Variants in PTPRT observed in about 807,000 individuals in gnomAD.
PTPRT encodes receptor-type tyrosine-protein phosphatase T.
A neutral mutation model predicts 176.8 loss-of-function variants in PTPRT; 56 were observed. That is an observed-to-expected ratio of 0.32 (90% CI 0.26 to 0.40). The LOEUF is 0.40. Ranked by LOEUF, PTPRT falls within the 10% of genes least tolerant of loss-of-function variation. PTPRT has a pLI of 1.00. For synonymous variants in PTPRT, 783 were observed against 739.0 expected, an observed-to-expected ratio of 1.06 and a Z score of -0.96; for missense variants, 1,540 against 1,908.2, an observed-to-expected ratio of 0.81 and a Z score of 3.60.
intron 6 of PTPRT, among the ~76,000 whole-genome samples, chr20:42,751,270 T>C (rs1160158758): frequency 6.6e-6 from 1 of 151,090 alleles, no homozygotes; most frequent in East Asian, 1.9e-4. Flanking sequence ...AACTGTGGAG[T>C]GGTTAGGGTT....
At chr20:42,097,040 G>A (rs1174741439) in intron 27 of PTPRT, among the ~76,000 whole-genome samples, 1 of 152,206 alleles carries the variant, frequency 6.6e-6, no homozygotes, top group East Asian at 1.9e-4. Flanking sequence ...AAATGAGACA[G>A]CAGTGTGGGT....
At chr20:42,667,132 A>G (rs921506255) in intron 7 of PTPRT, among the ~76,000 whole-genome samples, 2 of 152,070 alleles carry the variant, frequency 1.3e-5, no homozygotes, top group African/African-American at 4.8e-5. Flanking sequence ...AATATTCAAC[A>G]TTTTTCATCA....
intron 7 of PTPRT, among the ~76,000 whole-genome samples, chr20:42,488,847 C>T (rs978920031): frequency 2.0e-5 from 3 of 151,444 alleles, no homozygotes; most frequent in African/African-American, 7.3e-5. Context: ...GCCTGTAATC[C>T]CAGCTACTCT....
At chr20:42,936,838 C>T (rs747466925) in intron 1 of PTPRT, among the ~76,000 whole-genome samples, 1 of 152,142 alleles carries the variant, frequency 6.6e-6, no homozygotes, top group Non-Finnish European at 1.5e-5. Flanking sequence ...ACTGGGAGAA[C>T]AGAATTGAAG....
At chr20:42,923,589 G>A (rs1395679904) in intron 1 of PTPRT, among the ~76,000 whole-genome samples, 3 of 152,280 alleles carry the variant, frequency 2.0e-5, no homozygotes, top group South Asian at 2.1e-4. Flanking sequence ...ATAGCCCCAG[G>A]AGACAAGTTC....
intron 2 of PTPRT, among the ~76,000 whole-genome samples, chr20:42,864,441 C>G (rs1377816927): frequency 1.3e-5 from 2 of 152,130 alleles, no homozygotes; most frequent in African/African-American, 4.8e-5. Context: ...AGTCCCAGCT[C>G]TGAGACAGGA....
At chr20:42,661,594 A>G (rs1254421717) in intron 7 of PTPRT, among the ~76,000 whole-genome samples, 1 of 152,106 alleles carries the variant, frequency 6.6e-6, no homozygotes, top group Non-Finnish European at 1.5e-5. Flanking sequence ...TTGGCTGGAA[A>G]AGTTACAAGC....
At chr20:42,058,503 C>T in the PTPRT span, among the ~76,000 whole-genome samples, 8 of 152,282 alleles carry the variant, frequency 5.3e-5, no homozygotes, top group East Asian at 1.2e-3. Flanking sequence ...AGCCCCTCAC[C>T]GGCTCACAAA....
intron 16 of PTPRT, among the ~76,000 whole-genome samples, chr20:42,184,518 C>CTTCTTCTTCTTCCTCTTCCTCTTCTT (rs1555797923): frequency 1.8e-5 from 1 of 54,398 alleles, no homozygotes; most frequent in Non-Finnish European, 4.6e-5. Context: ...TCCTCCTCCT[C>CTTCTTCTTCTTCCTCTTCCTCTTCTT]CTTCTTCTTC....
intron 9 of PTPRT, among the ~76,000 whole-genome samples, chr20:42,397,811 T>C (rs2145692770): frequency 6.6e-6 from 1 of 152,282 alleles, no homozygotes; most frequent in South Asian, 2.1e-4. Context: ...TACCCAGTAG[T>C]GGGATTGCTG....
chr20:42,091,837 C>A (rs1303408073), intron 27 of PTPRT, among the ~76,000 whole-genome samples: 1 of 152,042 alleles, frequency 6.6e-6, no homozygotes, highest in Non-Finnish European at 1.5e-5. Flanking sequence ...ACACATCTCT[C>A]CTCATTGTAT....
chr20:42,780,236 C>T lies in PTPRT; in HGVS notation c.550G>A (p.Val184Ile). 1 of 1,613,892 alleles carries T rather than the reference C, an allele frequency of 6.2e-7. No individual in the cohort carries two copies. Among genetic ancestry groups the T allele is most frequent in the South Asian group, 1.1e-5 (1 of 91,068 alleles). ...PGYIAVDEVRVLAHPCRKAPH... is the reference protein window; with the variant it reads ...PGYIAVDEVRILAHPCRKAPH... The stretch of plus-strand genomic sequence containing the variant: ...GACTTACTGCATGGATGAGCAAGGA[C>T]CCGGACCTCGTCCACGGCGATGTAG... Residue 184 changes from valine to isoleucine, a missense_variant, in exon 4 of 31, where the codon GTC becomes ATC. This residue lies in a region of PTPRT where 273 missense variants were observed against 432.1 expected (regional missense o/e 0.63). Coordinates refer to ENST00000373187, the MANE Select transcript of PTPRT (RefSeq NM_007050.6).
At chr20:42,973,433 T>C (rs910121650) in intron 1 of PTPRT, among the ~76,000 whole-genome samples, 3 of 151,654 alleles carry the variant, frequency 2.0e-5, no homozygotes, top group African/African-American at 7.3e-5. Context: ...CTTTATCCCA[T>C]CCTCTCTCTC....
chr20:42,734,380 T>C (rs1161634720), intron 6 of PTPRT, among the ~76,000 whole-genome samples: 1 of 152,172 alleles, frequency 6.6e-6, no homozygotes, highest in African/African-American at 2.4e-5. Flanking sequence ...AGAGTCCCTC[T>C]AGCCCTGAGA....
chr20:42,352,246 C>T lies in PTPRT; in HGVS notation c.1600G>A (p.Asp534Asn), dbSNP rs369764829. ...ACTTTCCCCCTCTGGCTCGAGAGGT[C>T]AGCACTTGGGTCCAGCGAGCCGACA... is the stretch of plus-strand genomic sequence containing the variant. ...KAVGSLDPSA[D>N]LSSQRGKVFK... The change falls in exon 10 of 31, where the codon GAC becomes AAC. Residue 534 changes from aspartate to asparagine, a missense_variant. By Grantham distance (23) the Asp-to-Asn change is conservative. Transcript: ENST00000373187. The T allele has an allele frequency of 1.2e-6, 2 of 1,613,988 alleles. No individual in the cohort carries two copies. Among genetic ancestry groups the T allele is most frequent in the Non-Finnish European group, 1.7e-6 (2 of 1,180,042 alleles).
chr20:42,164,991 C>A (rs1989765396), intron 16 of PTPRT, among the ~76,000 whole-genome samples: 1 of 152,132 alleles, frequency 6.6e-6, no homozygotes. Flanking sequence ...ATAGCTGTTA[C>A]CTAACCCTGT....
intron 2 of PTPRT, 62 bp downstream of exon 2, chr20:42,885,745 C>T: frequency 6.4e-7 from 1 of 1,558,728 alleles, no homozygotes; most frequent in Admixed American, 1.7e-5. Context: ...GTTCTTCCCC[C>T]CATGATTCAC....
At chr20:42,475,877 C>T (rs2071279951) in intron 7 of PTPRT, among the ~76,000 whole-genome samples, 1 of 152,308 alleles carries the variant, frequency 6.6e-6, no homozygotes, top group Middle Eastern at 3.4e-3. Context: ...CAAAGAGACT[C>T]TTTGAGACCG....
chr20:42,368,087 G>A (rs1048913244), intron 9 of PTPRT, among the ~76,000 whole-genome samples: 10 of 152,128 alleles, frequency 6.6e-5, no homozygotes, highest in Admixed American at 6.5e-4. Context: ...CCTGGGCCCA[G>A]GGGATGCTGC....
Sources: gnomAD v4.1 joint callset for allele counts (sites outside exome capture counted in the v4.1 genomes callset) on GRCh38, gnomAD v4.1.1 for gene constraint, gnomAD v4.1.1 regional missense constraint, MANE v1.5 for transcripts, NCBI Gene and HGNC (gene_info 2026-07-23, HGNC 2026-07-21) for gene names.